Variants in CLCN7 observed in about 807,000 individuals in gnomAD.
The protein encoded by CLCN7 is H(+)/Cl(-) exchange transporter 7.
CLCN7 carries 60 observed loss-of-function variants against 102.1 expected under a neutral mutation model. The ratio of observed to expected loss-of-function variants is 0.59; its 90% CI spans 0.48 to 0.73. The LOEUF (loss-of-function observed/expected upper bound fraction) is 0.73. CLCN7 is among the 30% of genes least tolerant of loss of function. The probability of loss-of-function intolerance (pLI) is 0.00; values close to 1 mark genes in which losing one functional copy is unlikely to be tolerated. For synonymous variants in CLCN7, 560 were observed against 490.5 expected (o/e 1.14, Z -1.87); for missense variants, 962 against 1,125.7 (o/e 0.85, Z 2.08).
chr16:1,465,191 G>T, intron 2 of CLCN7, 76 bp downstream of exon 2: 1 of 1,427,842 alleles, frequency 7.0e-7, no homozygotes, highest in Non-Finnish European at 9.8e-7. Flanking sequence ...CTGCCGCTCG[G>T]CCCGTGCCCA....
intron 1 of CLCN7, chr16:1,474,152 C>T: frequency 2.2e-6 from 1 of 456,082 alleles, no homozygotes; most frequent in Non-Finnish European, 4.4e-6. Flanking sequence ...GTTCTCCAGA[C>T]CTTAACACTG....
At chr16:1,453,724 T>C (rs1402992295) in intron 14 of CLCN7, 110 bp downstream of exon 14, 3 of 1,054,636 alleles carry the variant, frequency 2.8e-6, no homozygotes, top group Non-Finnish European at 4.4e-6. Context: ...ATACACAGCC[T>C]TTCTTTCGGC....
intron 1 of CLCN7, among the ~76,000 whole-genome samples, chr16:1,473,939 C>T (rs991304709): frequency 2.6e-5 from 4 of 152,158 alleles, no homozygotes; most frequent in East Asian, 2.0e-4. Flanking sequence ...ACAAAATTAG[C>T]CGGGCGCGGT....
chr16:1,461,719 A>G lies in CLCN7; in HGVS notation c.214-45T>C, dbSNP rs138370968. 1.1e-4 allele frequency: 162 copies of G among 1,521,332 alleles called. No individual in the cohort carries two copies. In the African/African-American group the frequency reaches 2.0e-3, roughly 19 times the overall value. The allele number at this position is 1,521,332 out of a possible 1,614,324, so 94.2% of individuals were successfully genotyped here. A position where few individuals can be genotyped will look rare whatever the true frequency, so the allele number is the denominator to read the frequency against. ...AGAGAGAAGCACAGTTGACAAGGCC[A>G]CAAGGAGAGAGGCCCCTCTCAGCTC... On this transcript the variant is annotated intron_variant, in intron 2 of 24. Transcript: ENST00000382745.
chr16:1,449,473 C>T (rs1013310828), intron 17 of CLCN7, 146 bp from the exon 18 acceptor site: 3 of 722,380 alleles, frequency 4.2e-6, no homozygotes, highest in Non-Finnish European at 7.3e-6. Flanking sequence ...ACAGAACAAC[C>T]TAGCACAGTA....
rs2038944145 is a variant in CLCN7 at position 1,461,941 on chromosome 16, T to C, written c.214-267A>G. ...CGCTACTAAAAATACAAAAATTAGCTGGGCGTGGTGGTGGGCGCCTGTAAT... is the reference window on the plus strand; with the variant it reads ...CGCTACTAAAAATACAAAAATTAGCCGGGCGTGGTGGTGGGCGCCTGTAAT... On this transcript the variant is annotated intron_variant, in intron 2 of 24. Transcript: ENST00000382745. Among the ~76,000 whole-genome samples the C allele has an allele frequency of 2.0e-5, 3 of 151,598 alleles. No individual in the cohort carries two copies. In the South Asian group the frequency reaches 6.3e-4, roughly 32 times the overall value.
At chr16:1,456,241 C>A in intron 9 of CLCN7, 35 bp from the exon 10 acceptor site, 1 of 1,499,036 alleles carries the variant, frequency 6.7e-7, no homozygotes, top group Non-Finnish European at 9.1e-7. Context: ...GGGGCAGGTT[C>A]CTTGAGGGCA....
Position 1,446,172 on chromosome 16 carries a change from A to T in CLCN7, c.*459T>A, listed in dbSNP as rs1459893600. Reference sequence around the variant, plus strand: ...CTGCTCATGGCTGAAAATGAGGCCAAGCAGCTCCCAAGTCTCGAAGACTCC... The same window carrying T: ...CTGCTCATGGCTGAAAATGAGGCCATGCAGCTCCCAAGTCTCGAAGACTCC... On this transcript the variant is annotated 3_prime_UTR_variant, in exon 25 of 25. Coordinates refer to ENST00000382745, the MANE Select transcript of CLCN7 (RefSeq NM_001287.6). The T allele has an allele frequency of 1.7e-6, 1 of 605,562 alleles. No homozygotes were observed. Among genetic ancestry groups the T allele is most frequent in the East Asian group, 2.7e-5 (1 of 36,530 alleles). 37.5% of individuals were successfully genotyped at this position (605,562 alleles called of 1,614,324 possible). A position where few individuals can be genotyped will look rare whatever the true frequency, so the allele number is the denominator to read the frequency against.
At chr16:1,472,142 C>T (rs968788743) in intron 1 of CLCN7, among the ~76,000 whole-genome samples, 21 of 152,212 alleles carry the variant, frequency 1.4e-4, no homozygotes, top group African/African-American at 3.9e-4. Context: ...AGCAAGTGCA[C>T]GATAAACTAT....
intron 1 of CLCN7, among the ~76,000 whole-genome samples, chr16:1,469,261 C>T (rs1032695471): frequency 6.6e-6 from 1 of 151,982 alleles, no homozygotes; most frequent in Non-Finnish European, 1.5e-5. Flanking sequence ...TAGAGGGGAA[C>T]TACATCAAAC....
chr16:1,457,264 C>A lies in CLCN7; in HGVS notation c.812G>T (p.Arg271Leu), dbSNP rs541169535. Residue 271 changes from arginine (R) to leucine (L), a missense_variant, in exon 9 of 25, where the codon CGA becomes CTA. Around this residue, in one of 2 missense-constraint regions of CLCN7, gnomAD observed 799 missense variants for 988.0 expected, o/e 0.81. Transcript: ENST00000382745. The surrounding 1 kb of genome is among the most constrained non-coding windows in gnomAD (Gnocchi z 5.4). ...AAGATTTCAACTCACCTTGAAATCTCGTTTCAGTGACGTTGACCTTCCCTG... is the reference window on the plus strand; with the variant it reads ...AAGATTTCAACTCACCTTGAAATCTAGTTTCAGTGACGTTGACCTTCCCTG... ...ISQGRSTSLKRDFKIFEYFRR... is the reference protein window; with the variant it reads ...ISQGRSTSLKLDFKIFEYFRR... 6.2e-7 allele frequency: 1 copy of A among 1,613,952 alleles called. No homozygotes were observed. The highest frequency in any genetic ancestry group is 2.2e-5 in the East Asian group (1 of 44,880).
chr16:1,457,663 C>T lies in CLCN7; in HGVS notation c.738+31G>A. On this transcript the variant is annotated intron_variant, in intron 8 of 24. Coordinates refer to ENST00000382745, the MANE Select transcript of CLCN7 (RefSeq NM_001287.6). The surrounding 1 kb of genome is among the most constrained non-coding windows in gnomAD (Gnocchi z 5.4). ...CTCGCGGGCCCGGCGGCCTCAGGCTCCAGCTGGAGTGGCCATGTGCACTTT... is the reference window on the plus strand; with the variant it reads ...CTCGCGGGCCCGGCGGCCTCAGGCTTCAGCTGGAGTGGCCATGTGCACTTT... 6.2e-7 allele frequency: 1 copy of T among 1,611,880 alleles called. No homozygotes were observed. Among genetic ancestry groups the T allele is most frequent in the Non-Finnish European group, 8.5e-7 (1 of 1,179,052 alleles).
At chr16:1,451,206 T>C (rs2038743244) in intron 16 of CLCN7, among the ~76,000 whole-genome samples, 1 of 152,194 alleles carries the variant, frequency 6.6e-6, no homozygotes, top group Admixed American at 6.5e-5. Flanking sequence ...GTCACCAGGC[T>C]GGGTTTTCTT....
At chr16:1,450,314 C>T (rs970141724) in intron 17 of CLCN7, 183 bp downstream of exon 17, 8 of 662,936 alleles carry the variant, frequency 1.2e-5, no homozygotes, top group African/African-American at 1.1e-4. Flanking sequence ...CCACAGTACA[C>T]GCTGCCACCA....
At chr16:1,468,016 G>A (rs1253893599) in intron 1 of CLCN7, among the ~76,000 whole-genome samples, 1 of 152,140 alleles carries the variant, frequency 6.6e-6, no homozygotes, top group Non-Finnish European at 1.5e-5. Context: ...CTGGGAAGTC[G>A]AGGCTACAGT....
At chr16:1,450,413 C>G in intron 17 of CLCN7, 84 bp downstream of exon 17, 1 of 1,332,460 alleles carries the variant, frequency 7.5e-7, no homozygotes. Flanking sequence ...TTTGTCCTGC[C>G]CTGGGACTTC....
intron 2 of CLCN7, among the ~76,000 whole-genome samples, chr16:1,464,164 T>G (rs2038973864): frequency 6.6e-6 from 1 of 151,988 alleles, no homozygotes; most frequent in Non-Finnish European, 1.5e-5. Flanking sequence ...CTATAAATCA[T>G]GTATTGGATG....
rs1335780637 is a variant in CLCN7 at position 1,447,551 on chromosome 16, G to A, written c.2091C>T (p.Ser697=). Residue 697 remains serine (S), a synonymous_variant, in exon 23 of 25, where the codon TCC becomes TCT. Coordinates refer to ENST00000382745, the MANE Select transcript of CLCN7 (RefSeq NM_001287.6). ...LLKHKVFVER[S]NLGLVQRRLR... is the part of the protein sequence containing the mutation. The stretch of plus-strand genomic sequence containing the variant: ...GGCGCCGCTGTACCAGGCCCAGGTT[G>A]GACCGCTCCACAAACACCTGCGGGC... 8 of 1,556,290 alleles carry A rather than the reference G, an allele frequency of 5.1e-6. No homozygotes were observed. In the South Asian group the frequency reaches 8.3e-5, roughly 16 times the overall value.
intron 1 of CLCN7, chr16:1,467,727 A>G (rs2745001): frequency 0.61 from 92,855 of 152,184 alleles, 29,140 homozygotes; most frequent in African/African-American, 0.71. Flanking sequence ...TCAAGATGTC[A>G]GCACTTCTCT....
Sources: gnomAD v4.1 joint callset for allele counts (sites outside exome capture counted in the v4.1 genomes callset) on GRCh38, gnomAD v4.1.1 for gene constraint, gnomAD v4.1.1 regional missense constraint, Gnocchi (gnomAD v3.1) non-coding constraint, MANE v1.5 for transcripts, NCBI Gene and HGNC (gene_info 2026-07-23, HGNC 2026-07-21) for gene names.